The following IRF6 variants were observed in gnomAD, a reference collection of about 807,000 sequenced individuals.
The protein encoded by IRF6 is Van der Woude syndrome.
Under a neutral mutation model 51.4 loss-of-function variants are expected in IRF6, and 6 were observed. That is an observed-to-expected ratio of 0.12 (90% confidence interval 0.06 to 0.23). IRF6 has a LOEUF of 0.23. IRF6 is among the 10% of genes least tolerant of loss of function. The pLI is 1.00. For missense variants in IRF6, 348 were observed against 585.2 expected (o/e 0.59, Z 4.18); for synonymous variants, 178 against 215.7 (o/e 0.83, Z 1.53).
chr1:209,790,273 A>T lies in IRF6; in HGVS notation c.1060+222T>A, dbSNP rs1005161309. Among the ~76,000 whole-genome samples the T allele has an allele frequency of 3.3e-5, 5 of 152,248 alleles. No homozygotes were observed. Among genetic ancestry groups the T allele is most frequent in the Admixed American group, 3.3e-4 (5 of 15,286 alleles). On this transcript the variant is annotated intron_variant, in intron 7 of 8. Transcript: ENST00000367021. The surrounding 1 kb of genome is among the most constrained non-coding windows in gnomAD (Gnocchi z 4.8). The stretch of plus-strand genomic sequence containing the variant: ...AAGGAGCCACAACCAACTTAAAAAT[A>T]GCTTCCAAGTACATAGCTTTGGAGT...
chr1:209,792,851 C>A, intron 5 of IRF6: 1 of 221,372 alleles, frequency 4.5e-6, no homozygotes. Context: ...CCTTTAACAA[C>A]AAACAAATAC....
chr1:209,794,857 C>T (rs569699750), intron 5 of IRF6, among the ~76,000 whole-genome samples: 1 of 152,224 alleles, frequency 6.6e-6, no homozygotes, highest in Non-Finnish European at 1.5e-5. Context: ...ACAAGTTTCC[C>T]GTGATACAGC....
chr1:209,795,452 T>A, intron 4 of IRF6, 34 bp from the exon 5 acceptor site: 1 of 1,612,440 alleles, frequency 6.2e-7, no homozygotes, highest in Non-Finnish European at 8.5e-7. Flanking sequence ...AGGTGAGCCA[T>A]TCAGGTTGCA....
Position 209,795,803 on chromosome 1 carries a change from C to A in IRF6, c.380-385G>T, listed in dbSNP as rs573208504. 6.6e-5 allele frequency among the ~76,000 whole-genome samples: 10 copies of A among 151,684 alleles called. 1 individual carries two copies. The South Asian group carries it at 1.7e-3, about 26-fold the overall frequency. ...TACCAAAACATCACTATATACCCAA[C>A]GAATATGTACAATTATTATTTGTCA... is the stretch of plus-strand genomic sequence containing the variant. On this transcript the variant is annotated intron_variant, in intron 4 of 8. Transcript: ENST00000367021.
chr1:209,789,351 T>TTGTGTGTG (rs57430923), intron 8 of IRF6, among the ~76,000 whole-genome samples: 1,523 of 147,020 alleles, frequency 0.01, 14 homozygotes, highest in African/African-American at 0.03. Context: ...GCAATTTACA[T>TTGTGTGTG]TGTGTGTGTG....
rs772155613 is a variant in IRF6, at chr1:209,790,723, C to T, written c.832G>A (p.Gly278Ser). Reference sequence around the variant, plus strand: ...TTCTCATTGGTAATATGCTCAGGACCTGGGAATTTGACCTGCTCCAGGCTG... The same window carrying T: ...TTCTCATTGGTAATATGCTCAGGACTTGGGAATTTGACCTGCTCCAGGCTG... The part of the protein sequence containing the change: ...PVSLEQVKFP[G>S]PEHITNEKQK... Residue 278 changes from glycine (G) to serine (S), a missense_variant, in exon 7 of 9, where the codon GGT (glycine) becomes AGT (serine). Coordinates refer to ENST00000367021, the MANE Select transcript of IRF6 (RefSeq NM_006147.4). This position sits in a 1 kb window ranked among gnomAD's most constrained non-coding sequence, Gnocchi z 4.8. 3.1e-6 allele frequency: 5 copies of T among 1,614,108 alleles called. No individual in the cohort carries two copies. In the Admixed American group the frequency reaches 8.3e-5, roughly 27 times the overall value.
At chr1:209,793,889 A>T (rs1421890046) in intron 5 of IRF6, among the ~76,000 whole-genome samples, 2 of 152,184 alleles carry the variant, frequency 1.3e-5, no homozygotes, top group Non-Finnish European at 2.9e-5. Flanking sequence ...ATGTTGCTGC[A>T]AAAGACATGA....
In IRF6 at chr1:209,796,559, A is replaced by G. The variant is rs1382675048; in HGVS notation, c.175-7T>C. Reference sequence around the variant, plus strand: ...CTGTCTCTACAGCCCAGGCCTGAGAACAAGAAACCACAGTGAGTCCTATCA... The same window carrying G: ...CTGTCTCTACAGCCCAGGCCTGAGAGCAAGAAACCACAGTGAGTCCTATCA... On this transcript the variant is annotated splice_polypyrimidine_tract_variant and splice_region_variant and intron_variant, in intron 3 of 8. Transcript: ENST00000367021. The surrounding 1 kb of genome is among the most constrained non-coding windows in gnomAD (Gnocchi z 4.5). The G allele has an allele frequency of 6.2e-7, 1 of 1,611,114 alleles. No individual in the cohort carries two copies. Among genetic ancestry groups the G allele is most frequent in the South Asian group, 1.1e-5 (1 of 90,938 alleles).
At chr1:209,801,033 AC>A (rs2102547466) in intron 3 of IRF6, among the ~76,000 whole-genome samples, 1 of 152,292 alleles carries the variant, frequency 6.6e-6, no homozygotes, top group African/African-American at 2.4e-5. Flanking sequence ...GTGAGTGAGT[AC>A]CTTCAATGAG....
In IRF6 at chr1:209,791,130, C is replaced by T. The variant is rs188602901; in HGVS notation, c.668-243G>A. On this transcript the variant is annotated intron_variant, in intron 6 of 8. Coordinates refer to ENST00000367021, the MANE Select transcript of IRF6 (RefSeq NM_006147.4). ...CAACTATTTCTGTTCAATCACCACA[C>T]CCCAAAGGCTACAATTGCATCAAGT... The T allele has an allele frequency of 4.2e-4, 345 of 817,264 alleles. 1 individual carries two copies. In the African/African-American group the frequency reaches 6.0e-3, roughly 14 times the overall value. 50.6% of individuals were successfully genotyped at this position (817,264 alleles called of 1,614,324 possible).
At chr1:209,804,064 T>C (rs913437621) in intron 1 of IRF6, among the ~76,000 whole-genome samples, 6 of 152,220 alleles carry the variant, frequency 3.9e-5, no homozygotes, top group African/African-American at 1.4e-4. Context: ...ATATACATTA[T>C]ATATGATTCA....
At chr1:209,794,894 A>G (rs1474608) in intron 5 of IRF6, among the ~76,000 whole-genome samples, 1,869 of 152,360 alleles carry the variant, frequency 0.012, 21 homozygotes, top group Middle Eastern at 0.031. Flanking sequence ...TTGTGAAGGA[A>G]GTGACACAGA....
rs535903362 is a variant in IRF6 at position 209,796,508 on chromosome 1, G to A, written c.219C>T (p.Asp73=). The A allele has an allele frequency of 1.2e-6, 2 of 1,613,588 alleles. No homozygotes were observed. Among genetic ancestry groups the A allele is most frequent in the African/African-American group, 2.7e-5 (2 of 75,020 alleles). ...GGGCCTTCCATTTAGCTGGGTCAGGGTCATCCACCCCTTCCTGGTACTTCC... is the reference window on the plus strand; with the variant it reads ...GGGCCTTCCATTTAGCTGGGTCAGGATCATCCACCCCTTCCTGGTACTTCC... The part of the protein sequence containing the change: ...ETGKYQEGVD[D]PDPAKWKAQL... The change falls in exon 4 of 9, where the codon GAC becomes GAT. Residue 73 remains aspartate (D), a synonymous_variant. Coordinates refer to ENST00000367021, the MANE Select transcript of IRF6 (RefSeq NM_006147.4). The surrounding 1 kb of genome is among the most constrained non-coding windows in gnomAD (Gnocchi z 4.5).
At chr1:209,805,487 G>C (rs989333048) in intron 1 of IRF6, among the ~76,000 whole-genome samples, 1 of 152,158 alleles carries the variant, frequency 6.6e-6, no homozygotes, top group East Asian at 1.9e-4. Context: ...CTCAGGGAGG[G>C]AAGACAAACC....
chr1:209,795,385 T>C lies in IRF6; in HGVS notation c.413A>G (p.Asp138Gly). Reference protein sequence around the residue: ...STGSAPWDEKDNDVDEEDEED... With the variant: ...STGSAPWDEKGNDVDEEDEED... ...CTCATCTTCTTCATCCACATCATTA[T>C]CCTTCTCATCCCAGGGAGCAGACCC... The change falls in exon 5 of 9, where the codon GAT (aspartate) becomes GGT (glycine). Residue 138 changes from aspartate to glycine, a missense_variant. Transcript: ENST00000367021. 4 of 1,614,182 alleles carry C rather than the reference T, an allele frequency of 2.5e-6. No homozygotes were observed. The highest frequency in any genetic ancestry group is 3.4e-6 in the Non-Finnish European group (4 of 1,180,032).
In IRF6 at chr1:209,788,503, G is replaced by A. The variant is rs1234188725; in HGVS notation, c.1321C>T (p.Arg441Cys). The change falls in exon 9 of 9, where the codon CGC becomes TGC. Residue 441 changes from arginine to cysteine, a missense_variant. Arg to Cys is a radical substitution (Grantham distance 180, BLOSUM62 -3). This residue lies in a region of IRF6 where 48 missense variants were observed against 66.9 expected (regional missense o/e 0.72). Coordinates refer to ENST00000367021, the MANE Select transcript of IRF6 (RefSeq NM_006147.4). Reference protein sequence around the residue: ...NIVAQLKQLYRILQTQESWQP... With the variant: ...NIVAQLKQLYCILQTQESWQP... ...CAGCTCTCCTGGGTTTGAAGGATGCGGTACAGCTGCTTCAGCTGAGCAACG... is the reference window on the plus strand; with the variant it reads ...CAGCTCTCCTGGGTTTGAAGGATGCAGTACAGCTGCTTCAGCTGAGCAACG... 49 of 1,613,994 alleles carry A rather than the reference G, an allele frequency of 3.0e-5. No homozygotes were observed. The highest frequency in any genetic ancestry group is 3.6e-5 in the Non-Finnish European group (43 of 1,180,034).
In IRF6 at chr1:209,796,359, A is replaced by G; in HGVS notation, c.368T>C (p.Ile123Thr). 1.2e-6 allele frequency: 2 copies of G among 1,613,942 alleles called. No homozygotes were observed. The highest frequency in any genetic ancestry group is 1.7e-6 in the Non-Finnish European group (2 of 1,179,998). The change falls in exon 4 of 9, where the codon ATC becomes ACC. Residue 123 changes from isoleucine (I) to threonine (T), a missense_variant. Transcript: ENST00000367021. The surrounding 1 kb of genome is among the most constrained non-coding windows in gnomAD (Gnocchi z 4.5). ...VCDIPQPQGS[I>T]INPGSTGSAP... ...ACCTGGGGCCTCACCTGGGTTAATG[A>G]TCGAGCCCTGGGGCTGAGGGATGTC...
chr1:209,788,317 T>C lies in IRF6; in HGVS notation c.*103A>G, dbSNP rs1183929465. 2.4e-5 allele frequency: 19 copies of C among 778,762 alleles called. No individual in the cohort carries two copies. The highest frequency in any genetic ancestry group is 3.6e-5 in the Non-Finnish European group (17 of 470,768). The allele number at this position is 778,762 out of a possible 1,614,324, so 48.2% of individuals were successfully genotyped here. A position where few individuals can be genotyped will look rare whatever the true frequency, so the allele number is the denominator to read the frequency against. ...TTGGAGAATCACAAACTTCTAACAC[T>C]GTTAGAGAAAAGAGAGATTTAAAAG... On this transcript the variant is annotated 3_prime_UTR_variant, in exon 9 of 9. Coordinates refer to ENST00000367021, the MANE Select transcript of IRF6 (RefSeq NM_006147.4).
chr1:209,793,561 TTTTG>T (rs2077882126), intron 5 of IRF6, among the ~76,000 whole-genome samples: 1 of 148,332 alleles, frequency 6.7e-6, no homozygotes, highest in South Asian at 2.2e-4. Flanking sequence ...TGTGGCAATT[TTTTG>T]TTTGTGTTTA....
Sources: allele counts gnomAD v4.1 joint callset (sites outside exome capture counted in the v4.1 genomes callset), GRCh38; gene constraint gnomAD v4.1.1; regional missense constraint gnomAD v4.1.1; non-coding constraint Gnocchi (gnomAD v3.1); transcripts MANE v1.5; gene names NCBI Gene and HGNC (gene_info 2026-07-23, HGNC 2026-07-21).